SBF2: variants seen among roughly 807,000 people sequenced by gnomAD.
SBF2 encodes SET binding factor 2.
SBF2 carries 112 observed loss-of-function variants against 225.2 expected under a neutral mutation model. The ratio of observed to expected loss-of-function variants is 0.50; its 90% confidence interval spans 0.43 to 0.58. The LOEUF (loss-of-function observed/expected upper bound fraction) is 0.58. Among genes scored for constraint, SBF2 ranks in the 20% least tolerant of loss-of-function variants. SBF2 has a pLI of 0.00. For synonymous variants in SBF2, 763 were observed against 773.3 expected, an observed-to-expected ratio of 0.99 and a Z score of 0.22; for missense variants, 1,996 against 2,206.2, an observed-to-expected ratio of 0.90 and a Z score of 1.91.
intron 24 of SBF2, among the ~76,000 whole-genome samples, chr11:9,844,975 T>C (rs530641106): frequency 6.6e-6 from 1 of 152,192 alleles, no homozygotes; most frequent in African/African-American, 2.4e-5. Flanking sequence ...TTAGGAAACA[T>C]ATTGTGATGT....
intron 16 of SBF2, chr11:9,959,845 A>G: frequency 1.9e-6 from 1 of 539,896 alleles, no homozygotes; most frequent in Non-Finnish European, 3.6e-6. Context: ...TGCGAGAGTG[A>G]GGAGAGGAGA....
intron 13 of SBF2, among the ~76,000 whole-genome samples, chr11:9,972,905 A>C (rs2134402540): frequency 6.6e-6 from 1 of 152,378 alleles, no homozygotes; most frequent in South Asian, 2.1e-4. Flanking sequence ...GTTAAAACAA[A>C]GTTCAAAGTT....
intron 2 of SBF2, among the ~76,000 whole-genome samples, chr11:10,091,660 G>A (rs1329614175): frequency 1.3e-5 from 2 of 152,180 alleles, no homozygotes; most frequent in African/African-American, 4.8e-5. Flanking sequence ...AGGAGGAACT[G>A]TATCTCATCA....
chr11:10,284,259 AC>A (rs781045640), intron 1 of SBF2, among the ~76,000 whole-genome samples: 4 of 152,162 alleles, frequency 2.6e-5, no homozygotes, highest in Non-Finnish European at 5.9e-5. Context: ...CCTCAGTTTT[AC>A]CTATACTCAT....
chr11:10,074,943 G>A (rs1465481158), intron 2 of SBF2, among the ~76,000 whole-genome samples: 1 of 152,210 alleles, frequency 6.6e-6, no homozygotes, highest in African/African-American at 2.4e-5. Flanking sequence ...AAAAGTTACA[G>A]AAAAATATAT....
At chr11:9,998,884 T>C (rs971181474) in intron 8 of SBF2, among the ~76,000 whole-genome samples, 1 of 152,242 alleles carries the variant, frequency 6.6e-6, no homozygotes, top group Non-Finnish European at 1.5e-5. Context: ...GTTTGAGCCA[T>C]TGCATTTTGT....
chr11:9,867,891 G>T (rs2134037421), intron 17 of SBF2, among the ~76,000 whole-genome samples: 1 of 152,296 alleles, frequency 6.6e-6, no homozygotes, highest in East Asian at 1.9e-4. Flanking sequence ...ATAAACAGAG[G>T]TTGGTAAATG....
At position 9,887,352 on chromosome 11, in the gene SBF2, T is replaced by C. The variant is rs1485218842; in HGVS notation, c.1929+8591A>G. 2.0e-5 allele frequency among the ~76,000 whole-genome samples: 3 copies of C among 152,106 alleles called. No individual in the cohort carries two copies. The East Asian group carries it at 5.8e-4, about 29-fold the overall frequency. On this transcript the variant is annotated intron_variant, in intron 17 of 39. Transcript: ENST00000256190. ...CCTTCTATCACTAGTTTAAATAGTA[T>C]ATATAAACTAATCTTAATAAAGAAC... is the stretch of plus-strand genomic sequence containing the variant.
At chr11:10,126,308 C>A (rs866360852) in intron 2 of SBF2, among the ~76,000 whole-genome samples, 1 of 151,808 alleles carries the variant, frequency 6.6e-6, no homozygotes, top group Non-Finnish European at 1.5e-5. Context: ...TTAGGGTATA[C>A]CTAATTTGTT....
At chr11:10,192,066 T>C (rs942881799) in intron 2 of SBF2, among the ~76,000 whole-genome samples, 5 of 152,158 alleles carry the variant, frequency 3.3e-5, no homozygotes, top group African/African-American at 9.7e-5. Flanking sequence ...AACAGGTCCC[T>C]AGCACCAAAA....
intron 16 of SBF2, among the ~76,000 whole-genome samples, chr11:9,928,091 T>C (rs901865979): frequency 1.3e-5 from 2 of 152,276 alleles, no homozygotes; most frequent in Middle Eastern, 6.8e-3. Flanking sequence ...TATCTATTCA[T>C]GAATAAAAAA....
chr11:10,015,894 C>T (rs1332893934), intron 6 of SBF2, among the ~76,000 whole-genome samples: 1 of 152,064 alleles, frequency 6.6e-6, no homozygotes, highest in Non-Finnish European at 1.5e-5. Flanking sequence ...CCTCTGCCTC[C>T]CGGGTTCAGC....
intron 16 of SBF2, among the ~76,000 whole-genome samples, chr11:9,913,865 G>A (rs1218910051): frequency 6.6e-6 from 1 of 152,140 alleles, no homozygotes; most frequent in South Asian, 2.1e-4. Context: ...TTTGGTTGTT[G>A]TTGTTGCTGT....
chr11:9,825,725 T>A (rs1409577064), intron 28 of SBF2, among the ~76,000 whole-genome samples: 1 of 152,212 alleles, frequency 6.6e-6, no homozygotes, highest in Non-Finnish European at 1.5e-5. Flanking sequence ...CTATTCATAG[T>A]TACTTTTAAA....
chr11:10,257,649 A>G (rs1019077397), intron 1 of SBF2, among the ~76,000 whole-genome samples: 10 of 126,752 alleles, frequency 7.9e-5, no homozygotes, highest in African/African-American at 2.9e-4. Context: ...TGGGTGACAG[A>G]GTGAGGCCTT....
chr11:10,248,273 T>C (rs1199958994), intron 1 of SBF2, among the ~76,000 whole-genome samples: 1 of 152,190 alleles, frequency 6.6e-6, no homozygotes. Flanking sequence ...TTAGGACAAG[T>C]CAAAAAGTCT....
At chr11:9,974,037 T>C (rs1590651510) in intron 13 of SBF2, among the ~76,000 whole-genome samples, 1 of 152,178 alleles carries the variant, frequency 6.6e-6, no homozygotes, top group Non-Finnish European at 1.5e-5. Context: ...TGGAGTAAAT[T>C]GTTAAACATT....
At chr11:9,997,979 G>C (rs1258352225) in intron 9 of SBF2, among the ~76,000 whole-genome samples, 1 of 152,178 alleles carries the variant, frequency 6.6e-6, no homozygotes, top group Non-Finnish European at 1.5e-5. Flanking sequence ...GCAGAGCCTT[G>C]TTTTCAAAGG....
intron 28 of SBF2, among the ~76,000 whole-genome samples, chr11:9,821,725 G>A (rs1854767035): frequency 6.6e-6 from 1 of 152,156 alleles, no homozygotes; most frequent in Admixed American, 6.5e-5. Context: ...AAATACTAAT[G>A]AGCACTGCAT....
Sources: gnomAD v4.1 joint callset for allele counts (sites outside exome capture counted in the v4.1 genomes callset) on GRCh38, gnomAD v4.1.1 for gene constraint, MANE v1.5 for transcripts, NCBI Gene and HGNC (gene_info 2026-07-23, HGNC 2026-07-21) for gene names.